The following RFC3 variants were observed in gnomAD, a reference collection of about 807,000 sequenced individuals.
The protein encoded by RFC3 is A1 38 kDa subunit.
RFC3 carries 41 observed loss-of-function variants against 45.1 expected under a neutral mutation model. The ratio of observed to expected loss-of-function variants is 0.91; its 90% CI spans 0.71 to 1.18. The LOEUF (loss-of-function observed/expected upper bound fraction) is 1.18, where lower values mean the gene tolerates loss of function less well. Among genes scored for constraint, RFC3 ranks in the 50% most tolerant of loss-of-function variants. RFC3 has a pLI of 0.00. For synonymous variants in RFC3, 149 were observed against 144.0 expected (o/e 1.03, Z -0.25); for missense variants, 423 against 428.1 (o/e 0.99, Z 0.10).
the RFC3 span, among the ~76,000 whole-genome samples, chr13:33,972,266 C>T: frequency 2.0e-5 from 3 of 152,108 alleles, no homozygotes; most frequent in Non-Finnish European, 2.9e-5. Context: ...ACCTTTATTA[C>T]AGCCCCTTCT....
intron 8 of RFC3, among the ~76,000 whole-genome samples, chr13:33,881,406 C>T (rs929261394): frequency 2.0e-5 from 3 of 152,174 alleles, no homozygotes; most frequent in African/African-American, 7.2e-5. Flanking sequence ...AAAGATAAAG[C>T]ACAGTACCTA....
In RFC3 at chr13:33,822,874, A is replaced by G. The variant is rs544932683; in HGVS notation, c.226-1043A>G. 7.2e-5 allele frequency among the ~76,000 whole-genome samples: 11 copies of G among 152,308 alleles called. 1 individual carries two copies. The highest frequency in any genetic ancestry group is 6.2e-4 in the South Asian group (3 of 4,830). On this transcript the variant is annotated intron_variant, in intron 2 of 8. Coordinates refer to ENST00000380071, the MANE Select transcript of RFC3 (RefSeq NM_002915.4). ...GGATATATGAATTTGAAAAATTGCT[A>G]TGACAGAAATTATACATAAAATCAA...
chr13:33,834,304 A>G (rs1046238706), intron 7 of RFC3, among the ~76,000 whole-genome samples: 1,749 of 108,106 alleles, frequency 0.016, 37 homozygotes, highest in South Asian at 0.026. Context: ...GTGTGTATAT[A>G]TATATATATA....
chr13:33,823,862 A>G (rs1456552410), intron 2 of RFC3, 55 bp from the exon 3 acceptor site: 1 of 882,170 alleles, frequency 1.1e-6, no homozygotes, highest in Non-Finnish European at 1.8e-6. Flanking sequence ...AATACAAAAG[A>G]GTGGGGAAAT....
intron 8 of RFC3, among the ~76,000 whole-genome samples, chr13:33,910,365 A>G (rs1286295407): frequency 6.6e-6 from 1 of 152,114 alleles, no homozygotes; most frequent in African/African-American, 2.4e-5. Context: ...GGGATTATTA[A>G]TAGGACTATG....
At chr13:33,848,413 T>C (rs1160003277) in intron 8 of RFC3, 1 of 152,246 alleles carries the variant, frequency 6.6e-6, no homozygotes, top group Non-Finnish European at 1.5e-5. Flanking sequence ...GTGTTGATGA[T>C]TCCCACATCC....
At chr13:33,881,209 G>T (rs1351111158) in intron 8 of RFC3, among the ~76,000 whole-genome samples, 1 of 152,150 alleles carries the variant, frequency 6.6e-6, no homozygotes, top group African/African-American at 2.4e-5. Flanking sequence ...CATATTTTTA[G>T]ATGGAATTTA....
downstream of RFC3, among the ~76,000 whole-genome samples, chr13:33,970,218 G>A (rs1036496331): frequency 6.6e-6 from 1 of 152,088 alleles, no homozygotes. Flanking sequence ...AGTTTGCTGA[G>A]GATAATGGCT....
chr13:33,896,181 A>T (rs1488349857), intron 8 of RFC3, among the ~76,000 whole-genome samples: 1 of 151,152 alleles, frequency 6.6e-6, no homozygotes, highest in East Asian at 1.9e-4. Flanking sequence ...ATATATATGT[A>T]TATATATAAT....
chr13:33,823,721 G>T (rs915939905), intron 2 of RFC3, among the ~76,000 whole-genome samples, 196 bp from the exon 3 acceptor site: 6 of 152,068 alleles, frequency 3.9e-5, no homozygotes, highest in Admixed American at 1.3e-4. Flanking sequence ...GAAACAGGAT[G>T]TGTGATTGAC....
chr13:33,847,036 G>A (rs2082242620), intron 8 of RFC3: 1 of 152,178 alleles, frequency 6.6e-6, no homozygotes, highest in Non-Finnish European at 1.5e-5. Flanking sequence ...CGAGTAGCTG[G>A]GATTACAGAC....
At chr13:33,933,567 G>A (rs1027010485) in intron 8 of RFC3, among the ~76,000 whole-genome samples, 5 of 151,980 alleles carry the variant, frequency 3.3e-5, no homozygotes, top group African/African-American at 7.2e-5. Flanking sequence ...CTCTGTCTCC[G>A]TGTAACAAAG....
intron 8 of RFC3, among the ~76,000 whole-genome samples, chr13:33,851,534 T>A (rs1257404821): frequency 1.3e-5 from 2 of 152,148 alleles, no homozygotes; most frequent in Admixed American, 1.3e-4. Flanking sequence ...AAATATATAT[T>A]TACTAAGTAG....
chr13:33,949,981 C>CT (rs529561538), intron 8 of RFC3, among the ~76,000 whole-genome samples: 18 of 152,010 alleles, frequency 1.2e-4, no homozygotes, highest in Admixed American at 7.9e-4. Context: ...AGGAGCTTTC[C>CT]TGGGTCTCCA....
At chr13:33,923,708 A>T (rs2082784124) in intron 8 of RFC3, among the ~76,000 whole-genome samples, 1 of 152,062 alleles carries the variant, frequency 6.6e-6, no homozygotes, top group Non-Finnish European at 1.5e-5. Flanking sequence ...GAGGCCAGGA[A>T]CCAGGGTCTG....
intron 8 of RFC3, among the ~76,000 whole-genome samples, chr13:33,910,894 G>A (rs566325645): frequency 5.9e-5 from 9 of 151,978 alleles, no homozygotes; most frequent in African/African-American, 1.9e-4. Flanking sequence ...AGTGGGGCAG[G>A]GAGGTGCCAC....
intron 8 of RFC3, among the ~76,000 whole-genome samples, chr13:33,934,988 G>T (rs929028889): frequency 6.6e-6 from 1 of 152,088 alleles, no homozygotes; most frequent in Non-Finnish European, 1.5e-5. Flanking sequence ...CATGAAGACT[G>T]CCTGAAACTC....
intron 8 of RFC3, 175 bp downstream of exon 8, chr13:33,835,392 A>G (rs1434415851): frequency 2.7e-6 from 2 of 740,032 alleles, no homozygotes; most frequent in African/African-American, 3.4e-5. Context: ...ATGCTGAAGA[A>G]AAGAAGGGAG....
chr13:33,852,110 T>TA (rs2082280514), intron 8 of RFC3, among the ~76,000 whole-genome samples: 1 of 152,194 alleles, frequency 6.6e-6, no homozygotes, highest in African/African-American at 2.4e-5. Context: ...ACTTTCAATA[T>TA]AAAAAGCAGT....
Sources: allele counts gnomAD v4.1 joint callset (sites outside exome capture counted in the v4.1 genomes callset), GRCh38; gene constraint gnomAD v4.1.1; transcripts MANE v1.5; gene names NCBI Gene and HGNC (gene_info 2026-07-23, HGNC 2026-07-21).